Variants in TAF4 observed in about 807,000 individuals in gnomAD.
The protein encoded by TAF4 is transcription initiation factor TFIID subunit 4.
TAF4 carries 9 observed loss-of-function variants against 90.3 expected under a neutral mutation model. The observed-to-expected ratio is 0.10, with a 90% CI of 0.06 to 0.17. The LOEUF (loss-of-function observed/expected upper bound fraction) is 0.17, where lower values mean the gene tolerates loss of function less well. Ranked by LOEUF, TAF4 falls within the 10% of genes least tolerant of loss-of-function variation. TAF4 has a pLI of 1.00. For missense variants in TAF4, 1,351 were observed against 1,370.7 expected (o/e 0.99, Z 0.23); for synonymous variants, 818 against 638.9 (o/e 1.28, Z -4.23).
intron 1 of TAF4, among the ~76,000 whole-genome samples, chr20:62,052,673 A>C (rs6142939): frequency 6.8e-6 from 1 of 148,036 alleles, no homozygotes; most frequent in African/African-American, 2.5e-5. Flanking sequence ...TTGCACCCCT[A>C]TGTGAACTGC....
Position 62,003,224 on chromosome 20 carries a change from C to T in TAF4, c.2422G>A (p.Val808Ile). The change falls in exon 9 of 15, where the codon GTC (valine) becomes ATC (isoleucine). Residue 808 changes from valine (V) to isoleucine (I), a missense_variant. Physicochemically the swap from Val to Ile is conservative, Grantham distance 29. Coordinates refer to ENST00000252996, the MANE Select transcript of TAF4 (RefSeq NM_003185.4). ...TGTGCAGCAGCTGCTTGTGCCGAGA[C>T]AGCAGAAAGGGCTTTGGTTCCAGGT... is the stretch of plus-strand genomic sequence containing the variant. ...VLPGTKALSAVSAQAAAAQKN... is the reference protein window; with the variant it reads ...VLPGTKALSAISAQAAAAQKN... 6.2e-7 allele frequency: 1 copy of T among 1,614,178 alleles called. No individual in the cohort carries two copies. The highest frequency in any genetic ancestry group is 1.3e-5 in the African/African-American group (1 of 75,042).
chr20:62,063,955 G>A lies in TAF4; in HGVS notation c.1360+496C>T, dbSNP rs188978566. ...GGAGACTGAAGAGGCTCGAGCCCAG[G>A]GTCACCAAGGGGCAGAAAGGCTAAG... On this transcript the variant is annotated intron_variant, in intron 1 of 14. Coordinates refer to ENST00000252996, the MANE Select transcript of TAF4 (RefSeq NM_003185.4). 1.2e-3 allele frequency among the ~76,000 whole-genome samples: 183 copies of A among 152,332 alleles called. 1 individual carries two copies. The highest frequency in any genetic ancestry group is 4.0e-3 in the African/African-American group (166 of 41,576).
In TAF4 at chr20:62,065,374, ACGGCGGCGG is replaced by A. The variant is rs1204301175; in HGVS notation, c.428_436del (p.Ala143_Ala145del). On this transcript the variant is annotated inframe_deletion, in exon 1 of 15. Coordinates refer to ENST00000252996, the MANE Select transcript of TAF4 (RefSeq NM_003185.4). ...GGGGGCGGGCTCGGGCCCCGCGGCG[ACGGCGGCGG>A]CGGCGGGCACCGGGGCGCAGGACCC... 17 of 921,446 alleles carry A rather than the reference ACGGCGGCGG, an allele frequency of 1.8e-5. No individual in the cohort carries two copies. Among genetic ancestry groups the A allele is most frequent in the Non-Finnish European group, 2.0e-5 (16 of 786,294 alleles). 57.1% of individuals were successfully genotyped at this position (921,446 alleles called of 1,614,324 possible).
chr20:62,041,831 G>T (rs931066763), intron 1 of TAF4, among the ~76,000 whole-genome samples: 6 of 151,172 alleles, frequency 4.0e-5, no homozygotes. Flanking sequence ...ACTTAGGGGA[G>T]GCCAAGGCAG....
intron 1 of TAF4, among the ~76,000 whole-genome samples, chr20:62,062,322 G>C (rs778883629): frequency 6.6e-5 from 10 of 152,092 alleles, no homozygotes; most frequent in Non-Finnish European, 1.3e-4. Flanking sequence ...TTTGCAATTT[G>C]CCATTCTGAT....
chr20:62,033,210 G>A (rs1373927497), intron 1 of TAF4, among the ~76,000 whole-genome samples: 6 of 152,160 alleles, frequency 3.9e-5, no homozygotes, highest in Non-Finnish European at 7.3e-5. Flanking sequence ...AGCCCCCAGC[G>A]GATGGCTCTG....
At chr20:61,986,888 G>A (rs34496616) in intron 14 of TAF4, among the ~76,000 whole-genome samples, 66,186 of 152,236 alleles carry the variant, frequency 0.43, 15,824 homozygotes, top group Middle Eastern at 0.58. Context: ...TAGAAAGTCA[G>A]CATCAGACGC....
At chr20:61,997,175 A>G (rs1040366423) in intron 14 of TAF4, among the ~76,000 whole-genome samples, 4 of 152,210 alleles carry the variant, frequency 2.6e-5, no homozygotes, top group Non-Finnish European at 4.4e-5. Flanking sequence ...CTTCCCCTTC[A>G]TTCCACGAAC....
intron 1 of TAF4, among the ~76,000 whole-genome samples, chr20:62,025,748 G>A (rs907973780): frequency 6.6e-6 from 1 of 152,164 alleles, no homozygotes; most frequent in East Asian, 1.9e-4. Context: ...TTATAGCAAT[G>A]TAAGAACAGA....
At chr20:62,062,252 GAACC>G (rs1379525877) in intron 1 of TAF4, among the ~76,000 whole-genome samples, 11 of 152,264 alleles carry the variant, frequency 7.2e-5, no homozygotes, top group African/African-American at 2.2e-4. Flanking sequence ...AATGAAAACG[GAACC>G]AACTAGAACA....
chr20:62,063,125 G>C (rs1457053244), intron 1 of TAF4, among the ~76,000 whole-genome samples: 3 of 152,078 alleles, frequency 2.0e-5, no homozygotes, highest in Non-Finnish European at 4.4e-5. Context: ...CAGCAACCCC[G>C]GGAAGTAGCT....
intron 14 of TAF4, among the ~76,000 whole-genome samples, chr20:61,979,521 G>A (rs953106751): frequency 4.1e-5 from 6 of 146,002 alleles, no homozygotes; most frequent in Non-Finnish European, 7.5e-5. Context: ...ACTCCAGAGG[G>A]ACTGCGGCCC....
At chr20:62,053,546 C>T (rs1001436995) in intron 1 of TAF4, among the ~76,000 whole-genome samples, 7 of 152,228 alleles carry the variant, frequency 4.6e-5, no homozygotes, top group Admixed American at 6.5e-5. Flanking sequence ...TGCTGAGAAG[C>T]GGCATCCGTG....
rs1045285478 is a variant in TAF4, at chr20:62,010,656, A to G, written c.1642-491T>C. Among the ~76,000 whole-genome samples, 10 of 152,078 alleles carry G rather than the reference A, an allele frequency of 6.6e-5. No homozygotes were observed. In the East Asian group the frequency reaches 1.9e-3, roughly 30 times the overall value. ...TAGGGGAGGGTCCCCAGCTCCCTGC[A>G]ATCACCCAAACCCACCTTTCTTTAC... On this transcript the variant is annotated intron_variant, in intron 3 of 14. Coordinates refer to ENST00000252996, the MANE Select transcript of TAF4 (RefSeq NM_003185.4). The surrounding 1 kb of genome is among the most constrained non-coding windows in gnomAD (Gnocchi z 4.5).
chr20:62,041,694 G>C (rs932642607), intron 1 of TAF4, among the ~76,000 whole-genome samples: 1 of 152,014 alleles, frequency 6.6e-6, no homozygotes, highest in East Asian at 1.9e-4. Context: ...ACTTTGAGCG[G>C]GTGAGATGGG....
Position 62,064,954 on chromosome 20 carries a change from TGGCCGGGC to T in TAF4, c.849_856del (p.Gly285ArgfsTer174). ...CGCGGCGGTCGGGGGTCCGGCGGGG[TGGCCGGGC>T]GGCCGGGCCAGAGTGGCGGGCGCGG... is the stretch of plus-strand genomic sequence containing the variant. On this transcript the variant is annotated frameshift_variant, in exon 1 of 15. Coordinates refer to ENST00000252996, the MANE Select transcript of TAF4 (RefSeq NM_003185.4). LOFTEE classifies it high-confidence loss of function. 7.7e-6 allele frequency: 3 copies of T among 389,266 alleles called. No homozygotes were observed. Among genetic ancestry groups the T allele is most frequent in the Non-Finnish European group, 9.1e-6 (3 of 328,098 alleles). The allele number at this position is 389,266 out of a possible 1,614,324, so 24.1% of individuals were successfully genotyped here.
At chr20:62,005,404 A>C (rs2055738243) in intron 7 of TAF4, 1 of 152,276 alleles carries the variant, frequency 6.6e-6, no homozygotes, top group Admixed American at 6.5e-5. Context: ...AATTCTAAAA[A>C]CACCCATGCT....
chr20:61,993,313 G>C (rs1180859606), intron 14 of TAF4, among the ~76,000 whole-genome samples: 1 of 152,206 alleles, frequency 6.6e-6, no homozygotes, highest in Non-Finnish European at 1.5e-5. Flanking sequence ...CAGGGAGGCA[G>C]CCAGAGTTGG....
chr20:62,016,899 G>A (rs1397004819), intron 1 of TAF4, among the ~76,000 whole-genome samples: 3 of 152,074 alleles, frequency 2.0e-5, no homozygotes, highest in Admixed American at 2.0e-4. Context: ...AGCACTTTAG[G>A]AGGCCAAGAT....
Sources: allele counts gnomAD v4.1 joint callset (sites outside exome capture counted in the v4.1 genomes callset), GRCh38; gene constraint gnomAD v4.1.1; non-coding constraint Gnocchi (gnomAD v3.1); transcripts MANE v1.5; gene names NCBI Gene and HGNC (gene_info 2026-07-23, HGNC 2026-07-21).